Variants in PIGO observed in about 807,000 individuals in gnomAD.
PIGO encodes the protein phosphatidylinositol glycan anchor biosynthesis class O, also known as GPI ethanolamine phosphate transferase 3, catalytic subunit.
A neutral mutation model predicts 86.9 loss-of-function variants in PIGO; 66 were observed. The observed-to-expected ratio is 0.76, with a 90% CI of 0.62 to 0.93. The LOEUF is 0.93. Among genes scored for constraint, PIGO ranks in the 40% least tolerant of loss-of-function variants. The pLI, the probability that PIGO is intolerant of heterozygous loss-of-function variation, is 0.00. For synonymous variants in PIGO, 570 were observed against 556.4 expected, an observed-to-expected ratio of 1.02 and a Z score of -0.34; for missense variants, 1,202 against 1,359.1, an observed-to-expected ratio of 0.88 and a Z score of 1.82.
chr9:35,091,965 C>T lies in PIGO; in HGVS notation c.1922G>A (p.Cys641Tyr). ...GTGGCAAACAGGTGTCTCTTCAGGGCAACGATGAAAAAGCCCAGCTAGCCT... is the reference window on the plus strand; with the variant it reads ...GTGGCAAACAGGTGTCTCTTCAGGGTAACGATGAAAAAGCCCAGCTAGCCT... ...CTRLAGLFHRCPEETPVCHSS... is the reference protein window; with the variant it reads ...CTRLAGLFHRYPEETPVCHSS... The change falls in exon 7 of 11, where the codon TGC becomes TAC. Residue 641 changes from cysteine (C) to tyrosine (Y), a missense_variant. Coordinates refer to ENST00000378617, the MANE Select transcript of PIGO (RefSeq NM_032634.4). 6.2e-7 allele frequency: 1 copy of T among 1,614,192 alleles called. No individual in the cohort carries two copies. Among genetic ancestry groups the T allele is most frequent in the Non-Finnish European group, 8.5e-7 (1 of 1,180,042 alleles).
intron 9 of PIGO, 199 bp from the exon 10 acceptor site, chr9:35,089,649 T>C (rs2131069747): frequency 7.0e-7 from 1 of 1,438,642 alleles, no homozygotes; most frequent in Non-Finnish European, 9.1e-7. Context: ...CTATGTGACT[T>C]TGGGCAAGTC....
intron 9 of PIGO, 144 bp downstream of exon 9, chr9:35,089,922 C>T: frequency 7.0e-7 from 1 of 1,436,304 alleles, no homozygotes; most frequent in South Asian, 1.5e-5. Context: ...TCAGAACTGC[C>T]ATTTGAGGCC....
In PIGO at chr9:35,095,337, C is replaced by G. The variant is rs771701720; in HGVS notation, c.229G>C (p.Ala77Pro). The G allele has an allele frequency of 5.6e-6, 9 of 1,614,180 alleles. No individual in the cohort carries two copies. The highest frequency in any genetic ancestry group is 5.9e-6 in the Non-Finnish European group (7 of 1,180,026). Residue 77 changes from alanine to proline, a missense_variant, in exon 2 of 11, where the codon GCT (alanine) becomes CCT (proline). By Grantham distance (27) the Ala-to-Pro change is conservative. Transcript: ENST00000378617. ...GGCTGGGCGAAGTCAAATCGCAGAG[C>G]ATCTATCAGCACCAACACAACCCGC... ...FSRVVLVLID[A>P]LRFDFAQPQH...
chr9:35,093,933 G>A lies in PIGO; in HGVS notation c.747C>T (p.Ala249=). 1 of 1,614,134 alleles carries A rather than the reference G, an allele frequency of 6.2e-7. No individual in the cohort carries two copies. Among genetic ancestry groups the A allele is most frequent in the Non-Finnish European group, 8.5e-7 (1 of 1,180,018 alleles). The change falls in exon 4 of 11, where the codon GCC becomes GCT. Residue 249 remains alanine (A), a synonymous_variant. Transcript: ENST00000378617. The part of the protein sequence containing the change: ...HKHGPHHPEM[A]KKLSQMDQVI... ...CCTGGTCCATCTGGCTAAGTTTCTT[G>A]GCCATTTCAGGGTGGTGAGGGCCAT...
chr9:35,094,424 A>C, intron 2 of PIGO, 65 bp from the exon 3 acceptor site: 1 of 1,555,844 alleles, frequency 6.4e-7, no homozygotes, highest in South Asian at 1.2e-5. Context: ...AAAGAGGAAA[A>C]GAGGCCCTTT....
Position 35,091,861 on chromosome 9 carries a change from C to T in PIGO, c.2026G>A (p.Ala676Thr), listed in dbSNP as rs1465665122. 3 of 1,614,148 alleles carry T rather than the reference C, an allele frequency of 1.9e-6. No homozygotes were observed. In the Admixed American group the frequency reaches 5.0e-5, roughly 27 times the overall value. ...KNLWYGACVA[A>T]LVALLAAVRL... ...ACGGCAGCTAACAGGGCCACCAGCGCCGCCACACAAGCTCCATACCACAAA... is the reference window on the plus strand; with the variant it reads ...ACGGCAGCTAACAGGGCCACCAGCGTCGCCACACAAGCTCCATACCACAAA... Residue 676 changes from alanine (A) to threonine (T), a missense_variant, in exon 7 of 11, where the codon GCG becomes ACG. By Grantham distance (58) the Ala-to-Thr change is moderately conservative (BLOSUM62 0). Transcript: ENST00000378617.
chr9:35,092,908 CG>C, intron 6 of PIGO, 121 bp downstream of exon 6: 2 of 1,384,320 alleles, frequency 1.4e-6, no homozygotes, highest in Non-Finnish European at 1.9e-6. Context: ...GGAGGGATAA[CG>C]GAAGAGGGAT....
intron 2 of PIGO, among the ~76,000 whole-genome samples, chr9:35,094,684 C>A (rs1036352493): frequency 6.6e-6 from 1 of 152,230 alleles, no homozygotes; most frequent in African/African-American, 2.4e-5. Context: ...CTGTATTTCT[C>A]TGCTTTCTTC....
At chr9:35,093,613 C>T (rs778094411) in intron 4 of PIGO, 33 bp from the exon 5 acceptor site, 21 of 1,562,252 alleles carry the variant, frequency 1.3e-5, no homozygotes, top group Middle Eastern at 1.9e-4. Flanking sequence ...GGAGTAGAAA[C>T]GGATAAATAT....
In PIGO at chr9:35,091,540, A is replaced by T; in HGVS notation, c.2347T>A (p.Phe783Ile). 1 of 1,614,146 alleles carries T rather than the reference A, an allele frequency of 6.2e-7. No individual in the cohort carries two copies. Among genetic ancestry groups the T allele is most frequent in the Non-Finnish European group, 8.5e-7 (1 of 1,180,022 alleles). The change falls in exon 7 of 11, where the codon TTC becomes ATC. Residue 783 changes from phenylalanine (F) to isoleucine (I), a missense_variant. Transcript: ENST00000378617. ...APRTRTVLTP[F>I]SGPPTSQADL... ...GCTTGAGAAGTGGGGGGGCCTGAGA[A>T]GGGAGTGAGGACAGTCCTGGTCCTT...
In PIGO at chr9:35,090,096, G is replaced by A. The variant is rs1268821276; in HGVS notation, c.3039C>T (p.Gly1013=). ...TACCAAGGATAAAGAGGTACTTGAGGCCCAGCTGCAGCAGTGCTGCATAGA... is the reference window on the plus strand; with the variant it reads ...TACCAAGGATAAAGAGGTACTTGAGACCCAGCTGCAGCAGTGCTGCATAGA... The part of the protein sequence containing the change: ...QHFYAALLQL[G]LKYLFILGIQ... The change falls in exon 9 of 11, where the codon GGC becomes GGT. Residue 1013 remains glycine (G), a synonymous_variant. Transcript: ENST00000378617. 17 of 1,614,106 alleles carry A rather than the reference G, an allele frequency of 1.1e-5. No individual in the cohort carries two copies. The highest frequency in any genetic ancestry group is 1.4e-5 in the Non-Finnish European group (16 of 1,179,966).
intron 5 of PIGO, 24 bp downstream of exon 5, chr9:35,093,397 G>C (rs763959465): frequency 1.2e-6 from 2 of 1,613,850 alleles, no homozygotes; most frequent in South Asian, 2.2e-5. Context: ...TGGGAGAACA[G>C]ATGAGGAACA....
At chr9:35,093,738 T>C (rs568825825) in intron 4 of PIGO, 158 bp from the exon 5 acceptor site, 1 of 1,434,480 alleles carries the variant, frequency 7.0e-7, no homozygotes, top group South Asian at 1.4e-5. Context: ...ATGATCCTGA[T>C]GCCCAAAGCT....
At chr9:35,095,686 C>T (rs1397258559) in intron 1 of PIGO, 120 bp from the exon 2 acceptor site, 2 of 1,239,550 alleles carry the variant, frequency 1.6e-6, no homozygotes, top group Admixed American at 2.9e-5. Context: ...GGAGATAAAC[C>T]ATTTCACAGC....
Position 35,089,461 on chromosome 9 carries a change from AGAG to A in PIGO, c.3070-14_3070-12del, listed in dbSNP as rs2131069422. 6.2e-7 allele frequency: 1 copy of A among 1,614,158 alleles called. No individual in the cohort carries two copies. Among genetic ancestry groups the A allele is most frequent in the Non-Finnish European group, 8.5e-7 (1 of 1,180,026 alleles). The stretch of plus-strand genomic sequence containing the variant: ...GGCACAGGCCAGAATCTAGAGGAGG[AGAG>A]GAGGGGCCACGTTACTTGTGAAGGA... On this transcript the variant is annotated splice_polypyrimidine_tract_variant and intron_variant, in intron 9 of 10. Transcript: ENST00000378617.
intron 9 of PIGO, chr9:35,089,754 C>CA: frequency 7.2e-7 from 1 of 1,394,094 alleles, no homozygotes; most frequent in East Asian, 2.7e-5. Flanking sequence ...GAAGAGGATC[C>CA]ATGACCACAG....
rs1587161908 is a variant in PIGO at position 35,091,361 on chromosome 9, C to A, written c.2526G>T (p.Leu842=). ...YSAAMVTALT[L]LAFPLLLLHA... ...GCAACAGCAGAAGTGGGAAGGCCAA[C>A]AGGGTGAGGGCTGTGACCATAGCAG... The change falls in exon 7 of 11, where the codon CTG becomes CTT. Residue 842 remains leucine (L), a synonymous_variant. Transcript: ENST00000378617. 4 of 1,614,118 alleles carry A rather than the reference C, an allele frequency of 2.5e-6. No individual in the cohort carries two copies. Among genetic ancestry groups the A allele is most frequent in the Non-Finnish European group, 3.4e-6 (4 of 1,180,040 alleles).
In PIGO at chr9:35,091,941, T is replaced by C. The variant is rs1273167479; in HGVS notation, c.1946A>G (p.His649Arg). Residue 649 changes from histidine (H) to arginine (R), a missense_variant, in exon 7 of 11, where the codon CAC (histidine) becomes CGC (arginine). By Grantham distance (29) the His-to-Arg change is conservative (BLOSUM62 0). Transcript: ENST00000378617. Reference protein sequence around the residue: ...HRCPEETPVCHSSPWLSPLAS... With the variant: ...HRCPEETPVCRSSPWLSPLAS... ...CAGAGGACTCAGCCAGGGAGAGGAG[T>C]GGCAAACAGGTGTCTCTTCAGGGCA... 6.2e-7 allele frequency: 1 copy of C among 1,613,702 alleles called. No homozygotes were observed. Among genetic ancestry groups the C allele is most frequent in the Non-Finnish European group, 8.5e-7 (1 of 1,179,922 alleles).
Position 35,095,341 on chromosome 9 carries a change from T to C in PIGO, c.225A>G (p.Ile75Met). Residue 75 changes from isoleucine to methionine, a missense_variant, in exon 2 of 11, where the codon ATA becomes ATG. By Grantham distance (10) the Ile-to-Met change is conservative. Coordinates refer to ENST00000378617, the MANE Select transcript of PIGO (RefSeq NM_032634.4). ...SRFSRVVLVLIDALRFDFAQP... is the reference protein window; with the variant it reads ...SRFSRVVLVLMDALRFDFAQP... The stretch of plus-strand genomic sequence containing the variant: ...GGGCGAAGTCAAATCGCAGAGCATC[T>C]ATCAGCACCAACACAACCCGCGAAA... 1.2e-6 allele frequency: 2 copies of C among 1,614,160 alleles called. No homozygotes were observed. The highest frequency in any genetic ancestry group is 1.7e-6 in the Non-Finnish European group (2 of 1,180,022).
Sources: gnomAD v4.1 joint callset for allele counts (sites outside exome capture counted in the v4.1 genomes callset) on GRCh38, gnomAD v4.1.1 for gene constraint, MANE v1.5 for transcripts, NCBI Gene and HGNC (gene_info 2026-07-23, HGNC 2026-07-21) for gene names.